Variants in SAMD12 observed in about 807,000 individuals in gnomAD.
SAMD12 encodes sterile alpha motif domain-containing protein 12.
A neutral mutation model predicts 15.0 loss-of-function variants in SAMD12; 9 were observed. The observed-to-expected ratio is 0.60, with a 90% CI of 0.36 to 1.05. The LOEUF is 1.05. Ranked by LOEUF, SAMD12 falls within the 50% of genes least tolerant of loss-of-function variation. SAMD12 has a pLI of 0.01. For missense variants in SAMD12, 230 were observed against 234.2 expected (o/e 0.98, Z 0.12); for synonymous variants, 86 against 90.1 (o/e 0.96, Z 0.25).
intron 4 of SAMD12, among the ~76,000 whole-genome samples, chr8:118,270,319 T>C (rs898079355): frequency 4.6e-5 from 7 of 152,080 alleles, no homozygotes; most frequent in African/African-American, 1.7e-4. Context: ...AGAAGGAAAA[T>C]GTTATAAAAT....
At chr8:118,318,325 T>TATATATATATATATATATATATATAC (rs1816037230) in intron 4 of SAMD12, among the ~76,000 whole-genome samples, 2 of 25,258 alleles carry the variant, frequency 7.9e-5, no homozygotes, top group Non-Finnish European at 3.1e-4. Flanking sequence ...TATATATATA[T>TATATATATATATATATATATATATAC]ATATATATAT....
At chr8:118,548,993 G>T (rs566922778) in intron 2 of SAMD12, among the ~76,000 whole-genome samples, 3 of 152,262 alleles carry the variant, frequency 2.0e-5, no homozygotes, top group African/African-American at 7.2e-5. Context: ...CCGCCATTGC[G>T]CAGGCTTGCT....
intron 2 of SAMD12, among the ~76,000 whole-genome samples, chr8:118,558,465 A>G (rs1826607713): frequency 6.6e-6 from 1 of 152,196 alleles, no homozygotes. Flanking sequence ...GATAATATCT[A>G]TTCTTATATA....
intron 2 of SAMD12, among the ~76,000 whole-genome samples, chr8:118,528,709 G>T (rs1825601190): frequency 6.6e-6 from 1 of 152,190 alleles, no homozygotes; most frequent in South Asian, 2.1e-4. Flanking sequence ...CCAGAAAAGT[G>T]AGTCTCTCTC....
intron 4 of SAMD12, among the ~76,000 whole-genome samples, chr8:118,203,480 T>C (rs554964937): frequency 6.6e-6 from 1 of 152,120 alleles, no homozygotes; most frequent in Non-Finnish European, 1.5e-5. Context: ...TTAGAATGTA[T>C]AGGACAGCCC....
chr8:118,315,621 A>G (rs1815854138), intron 4 of SAMD12, among the ~76,000 whole-genome samples: 1 of 152,156 alleles, frequency 6.6e-6, no homozygotes, highest in African/African-American at 2.4e-5. Context: ...GGCTCGGGAT[A>G]AGTGTCTTAA....
the SAMD12 span, among the ~76,000 whole-genome samples, chr8:118,180,731 C>A: frequency 1.3e-5 from 2 of 152,138 alleles, no homozygotes; most frequent in African/African-American, 4.8e-5. Context: ...TGTCACCACA[C>A]CCAGCTATTT....
chr8:118,131,835 A>C, the SAMD12 span, among the ~76,000 whole-genome samples: 1 of 152,252 alleles, frequency 6.6e-6, no homozygotes, highest in African/African-American at 2.4e-5. Flanking sequence ...TGGCATGGTA[A>C]GCTTCCGACA....
chr8:118,139,525 T>C, the SAMD12 span, among the ~76,000 whole-genome samples: 1 of 152,068 alleles, frequency 6.6e-6, no homozygotes, highest in Non-Finnish European at 1.5e-5. Context: ...TGCCTGACTA[T>C]ATCTATATAT....
intron 3 of SAMD12, among the ~76,000 whole-genome samples, chr8:118,396,640 CA>C (rs2130773421): frequency 6.6e-6 from 1 of 152,288 alleles, no homozygotes; most frequent in South Asian, 2.1e-4. Context: ...GAGATTTGTC[CA>C]AAGTCGTAAG....
chr8:118,371,577 AT>A (rs1819098897), intron 4 of SAMD12, among the ~76,000 whole-genome samples: 1 of 152,134 alleles, frequency 6.6e-6, no homozygotes, highest in African/African-American at 2.4e-5. Flanking sequence ...TCATGGAGGT[AT>A]TAACCTTGAG....
At chr8:118,258,480 G>A (rs1316357684) in intron 4 of SAMD12, among the ~76,000 whole-genome samples, 3 of 152,014 alleles carry the variant, frequency 2.0e-5, no homozygotes, top group Non-Finnish European at 4.4e-5. Flanking sequence ...TGCCTACTAT[G>A]TGCCTGGCAC....
chr8:118,151,511 C>A, the SAMD12 span, among the ~76,000 whole-genome samples: 1 of 151,968 alleles, frequency 6.6e-6, no homozygotes, highest in Non-Finnish European at 1.5e-5. Flanking sequence ...GTGATCATAG[C>A]AGGAACCAAA....
intron 2 of SAMD12, among the ~76,000 whole-genome samples, chr8:118,515,506 C>T (rs75245617): frequency 6.6e-6 from 1 of 151,994 alleles, no homozygotes; most frequent in Non-Finnish European, 1.5e-5. Flanking sequence ...TATAGCAATG[C>T]GAGAATGGAC....
At chr8:118,505,465 A>G (rs1483706648) in intron 2 of SAMD12, among the ~76,000 whole-genome samples, 1 of 151,524 alleles carries the variant, frequency 6.6e-6, no homozygotes, top group Non-Finnish European at 1.5e-5. Flanking sequence ...GTTGGCTTCT[A>G]TGAAAACCGT....
intron 2 of SAMD12, among the ~76,000 whole-genome samples, chr8:118,556,499 C>T (rs1285851125): frequency 4.6e-5 from 7 of 152,138 alleles, no homozygotes; most frequent in Admixed American, 4.6e-4. Flanking sequence ...TACATAAGTC[C>T]TTTTGGCTAT....
intron 1 of SAMD12, among the ~76,000 whole-genome samples, chr8:118,609,289 G>C (rs1239946360): frequency 6.6e-6 from 1 of 152,184 alleles, no homozygotes; most frequent in Non-Finnish European, 1.5e-5. Flanking sequence ...AACGAAGTGG[G>C]TTCACTGAGC....
At chr8:118,154,192 A>G in the SAMD12 span, among the ~76,000 whole-genome samples, 1 of 152,010 alleles carries the variant, frequency 6.6e-6, no homozygotes, top group Admixed American at 6.6e-5. Flanking sequence ...GAATAATGCC[A>G]AAATCTTTAT....
chr8:118,262,303 GA>G (rs1273624165), intron 4 of SAMD12, among the ~76,000 whole-genome samples: 1 of 151,686 alleles, frequency 6.6e-6, no homozygotes, highest in Non-Finnish European at 1.5e-5. Flanking sequence ...CCAAGGCCAA[GA>G]AAAAAAGAAT....
Sources: gnomAD v4.1 joint callset for allele counts (sites outside exome capture counted in the v4.1 genomes callset) on GRCh38, gnomAD v4.1.1 for gene constraint, MANE v1.5 for transcripts, NCBI Gene and HGNC (gene_info 2026-07-23, HGNC 2026-07-21) for gene names.